The following CREB5 variants were observed in gnomAD, a reference collection of about 807,000 sequenced individuals.
CREB5 encodes cAMP responsive element binding protein 5.
In CREB5, 19 loss-of-function variants were observed where a neutral mutation model predicts 57.1. The observed-to-expected ratio is 0.33, with a 90% CI of 0.23 to 0.49. The LOEUF (loss-of-function observed/expected upper bound fraction) is 0.49, where lower values mean the gene tolerates loss of function less well. CREB5 is among the 20% of genes least tolerant of loss of function. CREB5 has a pLI of 0.99. For synonymous variants in CREB5, 238 were observed against 238.3 expected (o/e 1.00, Z 0.01); for missense variants, 579 against 671.6 (o/e 0.86, Z 1.52).
At chr7:28,742,417 T>A (rs1804415642) in intron 7 of CREB5, among the ~76,000 whole-genome samples, 1 of 151,850 alleles carries the variant, frequency 6.6e-6, no homozygotes, top group African/African-American at 2.4e-5. Context: ...ATACAAAAAA[T>A]TAGCCAGGCA....
At chr7:28,668,023 C>T (rs1219269912) in intron 5 of CREB5, among the ~76,000 whole-genome samples, 1 of 152,132 alleles carries the variant, frequency 6.6e-6, no homozygotes, top group Non-Finnish European at 1.5e-5. Flanking sequence ...TGCATAATTT[C>T]CCCAGCCTTG....
intron 10 of CREB5, among the ~76,000 whole-genome samples, chr7:28,818,480 C>T (rs1450624884): frequency 6.6e-6 from 1 of 152,198 alleles, no homozygotes; most frequent in Admixed American, 6.5e-5. Flanking sequence ...CCAGCTGAAG[C>T]CCAAGTACCA....
At chr7:28,333,008 G>T (rs1785745423) in intron 1 of CREB5, among the ~76,000 whole-genome samples, 2 of 152,170 alleles carry the variant, frequency 1.3e-5, no homozygotes. Flanking sequence ...AATTTCATTA[G>T]CTTTGTGAGA....
chr7:28,563,734 G>C (rs1335183784), intron 4 of CREB5, among the ~76,000 whole-genome samples: 2 of 152,270 alleles, frequency 1.3e-5, no homozygotes, highest in African/African-American at 4.8e-5. Context: ...GTGTATCAAG[G>C]CTAGAGTTTT....
At chr7:28,421,281 A>C (rs1450946148) in intron 1 of CREB5, among the ~76,000 whole-genome samples, 1 of 152,210 alleles carries the variant, frequency 6.6e-6, no homozygotes, top group African/African-American at 2.4e-5. Flanking sequence ...ACCTAGGATA[A>C]TGGCCTCAGT....
intron 1 of CREB5, among the ~76,000 whole-genome samples, chr7:28,474,827 C>T (rs895982534): frequency 6.6e-6 from 1 of 152,130 alleles, no homozygotes; most frequent in African/African-American, 2.4e-5. Flanking sequence ...TGCTGTGTTT[C>T]CTACAGAGGC....
intron 1 of CREB5, among the ~76,000 whole-genome samples, chr7:28,485,056 C>T (rs1344641159): frequency 6.6e-6 from 1 of 152,120 alleles, no homozygotes; most frequent in Admixed American, 6.6e-5. Flanking sequence ...GCATTATGGG[C>T]CTGAATTTCT....
chr7:28,776,880 T>C (rs1806684322), intron 7 of CREB5, among the ~76,000 whole-genome samples: 1 of 152,212 alleles, frequency 6.6e-6, no homozygotes, highest in South Asian at 2.1e-4. Context: ...CAGTAATTCA[T>C]CCCTTTTTAC....
rs568774176 is a variant in CREB5, at chr7:28,598,819, C to T, written c.464+28282C>T. 9.2e-5 allele frequency among the ~76,000 whole-genome samples: 14 copies of T among 152,104 alleles called. No homozygotes were observed. The East Asian group carries it at 2.1e-3, about 23-fold the overall frequency. On this transcript the variant is annotated intron_variant, in intron 5 of 10. Coordinates refer to ENST00000357727, the MANE Select transcript of CREB5 (RefSeq NM_182898.4). Reference sequence around the variant, plus strand: ...CCTACAGAGTTTAGGGGGATGGACGCGGGGGAGTCTATGTTTAAAGTAAGG... The same window carrying T: ...CCTACAGAGTTTAGGGGGATGGACGTGGGGGAGTCTATGTTTAAAGTAAGG...
At chr7:28,337,847 T>A (rs947576712) in intron 1 of CREB5, among the ~76,000 whole-genome samples, 1 of 152,162 alleles carries the variant, frequency 6.6e-6, no homozygotes, top group African/African-American at 2.4e-5. Context: ...ATTTCTTGCT[T>A]TTTATGTTTT....
intron 7 of CREB5, among the ~76,000 whole-genome samples, chr7:28,765,578 A>G (rs576386632): frequency 9.8e-5 from 15 of 152,320 alleles, no homozygotes; most frequent in Non-Finnish European, 1.5e-5. Flanking sequence ...ATATAGGTAG[A>G]CAGGAAGGGA....
chr7:28,624,676 G>GA (rs56161206), intron 5 of CREB5, among the ~76,000 whole-genome samples: 65,880 of 129,954 alleles, frequency 0.51, 16,218 homozygotes, highest in South Asian at 0.62. Context: ...CAACAGACGT[G>GA]AAAAAAAAAA....
intron 5 of CREB5, among the ~76,000 whole-genome samples, chr7:28,695,321 G>C (rs189651559): frequency 1.8e-3 from 278 of 152,312 alleles, no homozygotes; most frequent in African/African-American, 6.5e-3. Flanking sequence ...CTAAGGCGGT[G>C]AGGAGCACAT....
At chr7:28,559,338 AC>A (rs1336894342) in intron 4 of CREB5, among the ~76,000 whole-genome samples, 2 of 152,110 alleles carry the variant, frequency 1.3e-5, no homozygotes, top group African/African-American at 4.8e-5. Flanking sequence ...GTTTTTTGAG[AC>A]GGAGTCTGGC....
At chr7:28,757,945 T>C (rs993201905) in intron 7 of CREB5, among the ~76,000 whole-genome samples, 2 of 152,116 alleles carry the variant, frequency 1.3e-5, no homozygotes, top group Non-Finnish European at 2.9e-5. Context: ...ATTTTTGGAT[T>C]AGGGGTGTTC....
chr7:28,392,688 A>C (rs58205656), intron 1 of CREB5, among the ~76,000 whole-genome samples: 10,365 of 152,212 alleles, frequency 0.068, 1,112 homozygotes, highest in African/African-American at 0.22. Context: ...TTCAGTTTAG[A>C]GTGATCTGAT....
At chr7:28,387,640 AG>A (rs1787138727) in intron 1 of CREB5, among the ~76,000 whole-genome samples, 8 of 151,918 alleles carry the variant, frequency 5.3e-5, no homozygotes, top group Admixed American at 5.3e-4. Flanking sequence ...CAGAGGGTGG[AG>A]GGGGAGGAGG....
chr7:28,539,224 G>A lies in CREB5; in HGVS notation c.292-31141G>A, dbSNP rs1794101996. Among the ~76,000 whole-genome samples the A allele has an allele frequency of 3.3e-5, 5 of 152,136 alleles. No individual in the cohort carries two copies. The South Asian group carries it at 1.0e-3, about 32-fold the overall frequency. On this transcript the variant is annotated intron_variant, in intron 4 of 10. Coordinates refer to ENST00000357727, the MANE Select transcript of CREB5 (RefSeq NM_182898.4). ...TTTAAAGGTTTTCAGAATGGTACCT[G>A]GCACATAGTAAATACTCAGGAACTG...
intron 1 of CREB5, among the ~76,000 whole-genome samples, chr7:28,441,464 G>A (rs1372145869): frequency 6.6e-6 from 1 of 152,172 alleles, no homozygotes; most frequent in East Asian, 1.9e-4. Context: ...CTTCCCATCA[G>A]TAAAGTCGGG....
Sources: allele counts gnomAD v4.1 joint callset (sites outside exome capture counted in the v4.1 genomes callset), GRCh38; gene constraint gnomAD v4.1.1; transcripts MANE v1.5; gene names NCBI Gene and HGNC (gene_info 2026-07-23, HGNC 2026-07-21).